OSBPL5: variants seen among roughly 807,000 people sequenced by gnomAD.
OSBPL5 encodes the protein oxysterol-binding protein-related protein 5.
OSBPL5 carries 71 observed loss-of-function variants against 111.2 expected under a neutral mutation model. That is an observed-to-expected ratio of 0.64 (90% CI 0.53 to 0.78). The LOEUF (loss-of-function observed/expected upper bound fraction) is 0.78, where lower values mean the gene tolerates loss of function less well. OSBPL5 is among the 30% of genes least tolerant of loss of function. The pLI is 0.00. For missense variants in OSBPL5, 1,210 were observed against 1,189.3 expected (o/e 1.02, Z -0.26); for synonymous variants, 549 against 513.9 (o/e 1.07, Z -0.93).
At chr11:3,117,018 T>G (rs1858236132) in intron 7 of OSBPL5, among the ~76,000 whole-genome samples, 1 of 152,230 alleles carries the variant, frequency 6.6e-6, no homozygotes, top group South Asian at 2.1e-4. Flanking sequence ...CATATTTGTT[T>G]CTCTCTACCT....
rs1590653650 is a variant in OSBPL5 at position 3,104,443 on chromosome 11, T to C, written c.1060-66A>G. On this transcript the variant is annotated intron_variant, in intron 9 of 21. Transcript: ENST00000263650. This position sits in a 1 kb window ranked among gnomAD's most constrained non-coding sequence, Gnocchi z 5.0. ...CCGGGAGGAAGGGGTGGCGGGACAG[T>C]GGCAGCTCTGGCTGGAGGAGGCTGT... 2 of 1,549,654 alleles carry C rather than the reference T, an allele frequency of 1.3e-6. No individual in the cohort carries two copies. The highest frequency in any genetic ancestry group is 1.4e-5 in the African/African-American group (1 of 73,186).
chr11:3,119,547 C>G lies in OSBPL5; in HGVS notation c.691G>C (p.Gly231Arg), dbSNP rs761229054. The G allele has an allele frequency of 6.4e-7, 1 of 1,573,828 alleles. No homozygotes were observed. The highest frequency in any genetic ancestry group is 1.2e-5 in the South Asian group (1 of 85,948). ...LIFRAASESDGRCWLDALELA... is the reference protein window; with the variant it reads ...LIFRAASESDRRCWLDALELA... ...GATGCGCAAGCTGGCAGGGACTCAC[C>G]ATCTGACTCGGAGGCGGCCCTGAAG... Residue 231 changes from glycine to arginine, a missense_variant and splice_region_variant, in exon 7 of 22, where the codon GGT (glycine) becomes CGT (arginine). Coordinates refer to ENST00000263650, the MANE Select transcript of OSBPL5 (RefSeq NM_020896.4).
chr11:3,122,493 T>C (rs1590682976), intron 3 of OSBPL5, 65 bp from the exon 4 acceptor site: 3 of 1,494,126 alleles, frequency 2.0e-6, no homozygotes, highest in Admixed American at 3.6e-5. Context: ...GGAGCCCAGG[T>C]TGGCCTGATG....
At chr11:3,090,005 A>C (rs954232858) in intron 20 of OSBPL5, 57 bp from the exon 21 acceptor site, 2 of 1,375,428 alleles carry the variant, frequency 1.5e-6, no homozygotes, top group Non-Finnish European at 2.0e-6. Flanking sequence ...GATGAGCTGG[A>C]GGTCCAGTGG....
chr11:3,128,928 G>C, intron 2 of OSBPL5, 85 bp downstream of exon 2: 1 of 1,235,186 alleles, frequency 8.1e-7, no homozygotes, highest in Non-Finnish European at 1.1e-6. Flanking sequence ...GGACCTCAAG[G>C]GGCACAGAGG....
chr11:3,128,954 G>A, intron 2 of OSBPL5, 59 bp downstream of exon 2: 2 of 1,408,434 alleles, frequency 1.4e-6, no homozygotes, highest in Non-Finnish European at 1.9e-6. Flanking sequence ...GGCCGCCCGG[G>A]GTCACCCCAC....
At chr11:3,096,994 GA>G (rs1857283238) in intron 14 of OSBPL5, among the ~76,000 whole-genome samples, 13 of 4,338 alleles carry the variant, frequency 3.0e-3, no homozygotes, top group South Asian at 7.5e-3. Flanking sequence ...GGGAGGAGGA[GA>G]AGAGGAAAGA....
intron 1 of OSBPL5, among the ~76,000 whole-genome samples, chr11:3,131,856 A>ACCATCCCTCCATCCTCCTGT (rs1845810100): frequency 4.8e-5 from 2 of 41,700 alleles, no homozygotes; most frequent in Non-Finnish European, 5.0e-5. Flanking sequence ...CACCCACCAA[A>ACCATCCCTCCATCCTCCTGT]CCATCCATCC....
At chr11:3,096,552 G>T (rs1166831435) in intron 14 of OSBPL5, among the ~76,000 whole-genome samples, 1 of 150,508 alleles carries the variant, frequency 6.6e-6, no homozygotes, top group Non-Finnish European at 1.5e-5. Context: ...TCAGGAGGCG[G>T]AGGTTGCAGT....
chr11:3,102,466 G>C (rs189369411), intron 11 of OSBPL5, among the ~76,000 whole-genome samples, 185 bp from the exon 12 acceptor site: 11 of 152,326 alleles, frequency 7.2e-5, no homozygotes, highest in Non-Finnish European at 1.3e-4. Flanking sequence ...TTTGCCTGTG[G>C]TTTACATTCT....
In OSBPL5 at chr11:3,104,272, G is replaced by A. The variant is rs375973878; in HGVS notation, c.1165C>T (p.Leu389=). 6.2e-6 allele frequency: 10 copies of A among 1,613,726 alleles called. No individual in the cohort carries two copies. The highest frequency in any genetic ancestry group is 6.8e-6 in the Non-Finnish European group (8 of 1,179,980). The part of the protein sequence containing the change: ...RPGMDLSRVV[L]PTFVLEPRSF... Reference sequence around the variant, plus strand: ...CGCGGCTCCAGTACGAACGTGGGTAGCACCACGCGGGACAGGTCCATGCCT... The same window carrying A: ...CGCGGCTCCAGTACGAACGTGGGTAACACCACGCGGGACAGGTCCATGCCT... Residue 389 remains leucine, a synonymous_variant, in exon 10 of 22, where the codon CTA becomes TTA. Coordinates refer to ENST00000263650, the MANE Select transcript of OSBPL5 (RefSeq NM_020896.4). The surrounding 1 kb of genome is among the most constrained non-coding windows in gnomAD (Gnocchi z 5.0).
At chr11:3,111,255 G>A (rs866152229) in intron 7 of OSBPL5, among the ~76,000 whole-genome samples, 2 of 150,440 alleles carry the variant, frequency 1.3e-5, no homozygotes, top group Non-Finnish European at 2.9e-5. Flanking sequence ...ACTTGCTTCC[G>A]ATACAAGGAA....
Position 3,121,923 on chromosome 11 carries a change from G to T in OSBPL5, c.402+74C>A. ...GAATTTCCATCGTTTCAGGCCACCT[G>T]GTTTATGGTCCTTTGTTATGGCAGC... On this transcript the variant is annotated intron_variant, in intron 5 of 21. Transcript: ENST00000263650. The surrounding 1 kb of genome is among the most constrained non-coding windows in gnomAD (Gnocchi z 4.3). 7.4e-7 allele frequency: 1 copy of T among 1,353,048 alleles called. No homozygotes were observed. The allele number at this position is 1,353,048 out of a possible 1,614,324, so 83.8% of individuals were successfully genotyped here.
rs1045149459 is a variant in OSBPL5 at position 3,130,188 on chromosome 11, C to T, written c.-21-1019G>A. On this transcript the variant is annotated intron_variant, in intron 1 of 21. Coordinates refer to ENST00000263650, the MANE Select transcript of OSBPL5 (RefSeq NM_020896.4). The surrounding 1 kb of genome is among the most constrained non-coding windows in gnomAD (Gnocchi z 4.5). ...TCATGGCTCAGGGAGTGGAAGGCCT[C>T]GACCTGTAATCGTGACCTGACAAGG... is the stretch of plus-strand genomic sequence containing the variant. Among the ~76,000 whole-genome samples the T allele has an allele frequency of 2.6e-5, 4 of 152,226 alleles. No homozygotes were observed. Among genetic ancestry groups the T allele is most frequent in the Non-Finnish European group, 5.9e-5 (4 of 68,044 alleles).
chr11:3,102,159 C>T lies in OSBPL5; in HGVS notation c.1425+24G>A, dbSNP rs369264067. ...GCCCCATAGAGCCCAGCACCCAGGC[C>T]GGTTGCAGCAGAGGTGCTCTTGCCT... On this transcript the variant is annotated intron_variant, in intron 12 of 21. Coordinates refer to ENST00000263650, the MANE Select transcript of OSBPL5 (RefSeq NM_020896.4). 1.1e-3 allele frequency: 1,734 copies of T among 1,568,728 alleles called. 1 individual carries two copies. The highest frequency in any genetic ancestry group is 1.4e-3 in the Non-Finnish European group (1,646 of 1,156,544).
chr11:3,103,110 G>C, intron 11 of OSBPL5, 129 bp downstream of exon 11: 1 of 752,872 alleles, frequency 1.3e-6, no homozygotes. Context: ...CTGTGGGGGT[G>C]ACCAGGATCC....
At chr11:3,103,756 G>GCCTGTGCCGCCCCCTTCCTGC (rs570227138) in intron 10 of OSBPL5, among the ~76,000 whole-genome samples, 1 of 56,804 alleles carries the variant, frequency 1.8e-5, no homozygotes, top group Non-Finnish European at 3.8e-5. Flanking sequence ...CCCTCTTCCA[G>GCCTGTGCCGCCCCCTTCCTGC]CTCTGCAGCC....
At chr11:3,119,880 G>A (rs1455715537) in intron 6 of OSBPL5, 3 of 508,516 alleles carry the variant, frequency 5.9e-6, no homozygotes, top group Non-Finnish European at 6.9e-6. Context: ...TGAGCCTCCT[G>A]ACTTGGGCTG....
chr11:3,100,119 C>T, intron 14 of OSBPL5, 39 bp downstream of exon 14: 1 of 1,592,020 alleles, frequency 6.3e-7, no homozygotes, highest in South Asian at 1.1e-5. Flanking sequence ...TCTCACAGAG[C>T]CTGGCTCTGC....
Sources: allele counts gnomAD v4.1 joint callset (sites outside exome capture counted in the v4.1 genomes callset), GRCh38; gene constraint gnomAD v4.1.1; non-coding constraint Gnocchi (gnomAD v3.1); transcripts MANE v1.5; gene names NCBI Gene and HGNC (gene_info 2026-07-23, HGNC 2026-07-21).